HNRNPA1: variants seen among roughly 807,000 people sequenced by gnomAD.
The protein encoded by HNRNPA1 is heterogeneous nuclear ribonucleoprotein A1.
In HNRNPA1, 7 loss-of-function variants were observed where a neutral mutation model predicts 44.4. The ratio of observed to expected loss-of-function variants is 0.16; its 90% confidence interval spans 0.09 to 0.30. The LOEUF is 0.30. HNRNPA1 is among the 10% of genes least tolerant of loss of function. The pLI, the probability that HNRNPA1 is intolerant of heterozygous loss-of-function variation, is 1.00. For missense variants in HNRNPA1, 193 were observed against 465.8 expected (o/e 0.41, Z 5.39); for synonymous variants, 169 against 160.6 (o/e 1.05, Z -0.40).
Position 54,282,680 on chromosome 12 carries a change from T to A in HNRNPA1, c.676+15T>A, listed in dbSNP as rs1276693031. On this transcript the variant is annotated intron_variant, in intron 6 of 10. Coordinates refer to ENST00000340913, the MANE Select transcript of HNRNPA1 (RefSeq NM_031157.4). ...CAGTGGTCGTGGTATGTATGGTTTA[T>A]CTACATGTAGTTCTGACTTCTCACC... 1.2e-6 allele frequency: 2 copies of A among 1,608,122 alleles called. No individual in the cohort carries two copies. Among genetic ancestry groups the A allele is most frequent in the Non-Finnish European group, 1.7e-6 (2 of 1,174,748 alleles).
chr12:54,282,003 A>G lies in HNRNPA1; in HGVS notation c.279+62A>G, dbSNP rs148406635. The G allele has an allele frequency of 2.7e-5, 44 of 1,601,702 alleles. No individual in the cohort carries two copies. The East Asian group carries it at 7.6e-4, about 28-fold the overall frequency. ...CTTGGATATGTGCTGCTATGGACTTAAGATTCGGGAGTTTTCTAAACTTAC... is the reference window on the plus strand; with the variant it reads ...CTTGGATATGTGCTGCTATGGACTTGAGATTCGGGAGTTTTCTAAACTTAC... On this transcript the variant is annotated intron_variant, in intron 3 of 10. Coordinates refer to ENST00000340913, the MANE Select transcript of HNRNPA1 (RefSeq NM_031157.4).
rs575867518 is a variant in HNRNPA1 at position 54,281,956 on chromosome 12, TTTC to T, written c.279+27_279+29del. On this transcript the variant is annotated intron_variant, in intron 3 of 10. Transcript: ENST00000340913. ...TCTCCAGAGAAGTGAGTGGGTTTTTTTTCTTCTTCTTCTTAAACTTACTTGGAT... is the reference window on the plus strand; with the variant it reads ...TCTCCAGAGAAGTGAGTGGGTTTTTTTTCTTCTTCTTAAACTTACTTGGAT... 1,925 of 1,612,150 alleles carry T rather than the reference TTTC, an allele frequency of 1.2e-3. 9 individuals carry two copies. Among genetic ancestry groups the T allele is most frequent in the East Asian group, 0.011 (504 of 44,878 alleles).
At chr12:54,282,953 T>C in intron 7 of HNRNPA1, 79 bp downstream of exon 7, 1 of 1,482,230 alleles carries the variant, frequency 6.7e-7, no homozygotes, top group Non-Finnish European at 9.1e-7. Context: ...ACTAAAATTC[T>C]GGTGCATGTC....
intron 2 of HNRNPA1, 69 bp from the exon 3 acceptor site, chr12:54,281,726 A>C: frequency 6.6e-7 from 1 of 1,504,268 alleles, no homozygotes; most frequent in Non-Finnish European, 9.0e-7. Flanking sequence ...CTATTGCCCT[A>C]TTCAAAGTTA....
At chr12:54,282,757 TTAAG>T in intron 6 of HNRNPA1, 39 bp from the exon 7 acceptor site, 1 of 1,581,070 alleles carries the variant, frequency 6.3e-7, no homozygotes, top group Non-Finnish European at 8.6e-7. Context: ...GAATGTCACT[TTAAG>T]TCCAAGTCAT....
chr12:54,284,255 C>A lies in HNRNPA1; in HGVS notation c.1064-3C>A. ...ACTTTAAAAGAAAAATTGTACTTTTCAGGTGGCTATGGCGGTTCCAGCAGC... is the reference window on the plus strand; with the variant it reads ...ACTTTAAAAGAAAAATTGTACTTTTAAGGTGGCTATGGCGGTTCCAGCAGC... On this transcript the variant is annotated splice_polypyrimidine_tract_variant and splice_region_variant and intron_variant, in intron 9 of 10. Transcript: ENST00000340913. 6.2e-7 allele frequency: 1 copy of A among 1,613,670 alleles called. No homozygotes were observed. The highest frequency in any genetic ancestry group is 1.7e-4 in the Middle Eastern group (1 of 6,058).
chr12:54,281,228 G>C, intron 1 of HNRNPA1, 158 bp from the exon 2 acceptor site: 2 of 711,176 alleles, frequency 2.8e-6, no homozygotes, highest in South Asian at 3.1e-5. Flanking sequence ...CCCAACTCCA[G>C]CATACGGCCT....
Position 54,281,204 on chromosome 12 carries a change from G to T in HNRNPA1, c.16-182G>T. On this transcript the variant is annotated intron_variant, in intron 1 of 10. Transcript: ENST00000340913. ...GGCGACTAGGGACGCATGCGCTTGCGATTTCCTAGCACTCCCAACTCCAGC... is the reference window on the plus strand; with the variant it reads ...GGCGACTAGGGACGCATGCGCTTGCTATTTCCTAGCACTCCCAACTCCAGC... The T allele has an allele frequency of 4.3e-6, 3 of 701,418 alleles. No homozygotes were observed. The South Asian group carries it at 4.5e-5, about 11-fold the overall frequency. The allele number at this position is 701,418 out of a possible 1,614,324, so 43.4% of individuals were successfully genotyped here.
At chr12:54,284,411 CATT>C (rs1394231723) in intron 10 of HNRNPA1, 94 bp downstream of exon 10, 20 of 1,103,114 alleles carry the variant, frequency 1.8e-5, no homozygotes, top group Admixed American at 5.3e-5. Flanking sequence ...ACATAGTTAA[CATT>C]ATAATTGCAG....
intron 8 of HNRNPA1, 75 bp downstream of exon 8, chr12:54,283,309 G>A (rs1944208863): frequency 1.3e-6 from 2 of 1,513,520 alleles, no homozygotes; most frequent in African/African-American, 2.7e-5. Flanking sequence ...TGGTGCTGTT[G>A]AAGCATTGTG....
At chr12:54,281,219 C>A in intron 1 of HNRNPA1, 167 bp from the exon 2 acceptor site, 1 of 705,028 alleles carries the variant, frequency 1.4e-6, no homozygotes, top group East Asian at 2.6e-5. Flanking sequence ...CCTAGCACTC[C>A]CAACTCCAGC....
Position 54,282,379 on chromosome 12 carries a change from ATG to A in HNRNPA1, c.491-13_491-12del. The A allele has an allele frequency of 6.2e-7, 1 of 1,606,576 alleles. No individual in the cohort carries two copies. Among genetic ancestry groups the A allele is most frequent in the Non-Finnish European group, 8.5e-7 (1 of 1,173,408 alleles). ...TAAACCCTGATACCATGTTGTATCT[ATG>A]TTTTTTTTTTAGTTCAGAAATACCA... On this transcript the variant is annotated splice_polypyrimidine_tract_variant and intron_variant, in intron 4 of 10. Transcript: ENST00000340913.
At position 54,280,828 on chromosome 12, in the gene HNRNPA1, T is replaced by C; in HGVS notation, c.15+6T>C. 2.5e-5 allele frequency: 41 copies of C among 1,614,082 alleles called. No homozygotes were observed. Among genetic ancestry groups the C allele is most frequent in the Non-Finnish European group, 3.5e-5 (41 of 1,179,962 alleles). ...CCGTCATGTCTAAGTCAGAGGTGAG[T>C]TAGGCGCGCTTTCCCACTTGAATTT... On this transcript the variant is annotated splice_donor_region_variant and intron_variant, in intron 1 of 10. Coordinates refer to ENST00000340913, the MANE Select transcript of HNRNPA1 (RefSeq NM_031157.4).
Position 54,283,794 on chromosome 12 carries a change from C to T in HNRNPA1, c.908-18C>T. The T allele has an allele frequency of 6.2e-7, 1 of 1,612,246 alleles. No homozygotes were observed. The highest frequency in any genetic ancestry group is 1.3e-5 in the African/African-American group (1 of 74,928). On this transcript the variant is annotated intron_variant, in intron 8 of 10. Transcript: ENST00000340913. ...TCATCCTCAGGTAACAGATAAAGGC[C>T]CTCTTTCCCATTCATAGGAAGCAAT...
intron 7 of HNRNPA1, 95 bp from the exon 8 acceptor site, chr12:54,282,984 C>A: frequency 1.3e-6 from 2 of 1,497,804 alleles, no homozygotes; most frequent in Admixed American, 2.0e-5. Context: ...TTGCCCATAA[C>A]ACGCATGCTG....
chr12:54,281,300 A>T, intron 1 of HNRNPA1, 86 bp from the exon 2 acceptor site: 7 of 774,616 alleles, frequency 9.0e-6, no homozygotes, highest in Non-Finnish European at 1.4e-5. Flanking sequence ...TGCTAGGTAC[A>T]CAGTTGGTGT....
intron 1 of HNRNPA1, 189 bp from the exon 2 acceptor site, chr12:54,281,197 C>T: frequency 2.9e-6 from 2 of 697,168 alleles, no homozygotes; most frequent in Non-Finnish European, 5.3e-6. Flanking sequence ...GGGACGCATG[C>T]GCTTGCGATT....
chr12:54,284,233 T>C, intron 9 of HNRNPA1, 25 bp from the exon 10 acceptor site: 1 of 1,611,066 alleles, frequency 6.2e-7, no homozygotes, highest in African/African-American at 1.3e-5. Context: ...CTTTGAAACT[T>C]TAAAAGAAAA....
rs1187291600 is a variant in HNRNPA1, at chr12:54,287,040, TC to T, written c.*2498del. 1 of 152,142 alleles carries T rather than the reference TC, an allele frequency of 6.6e-6. No individual in the cohort carries two copies. Among genetic ancestry groups the T allele is most frequent in the Non-Finnish European group, 1.5e-5 (1 of 68,020 alleles). The allele number at this position is 152,142 out of a possible 1,614,324, so 9.4% of individuals were successfully genotyped here. A position where few individuals can be genotyped will look rare whatever the true frequency, so the allele number is the denominator to read the frequency against. ...ACATGAGCTGTTCTGCAGCTCAAATTCCATTTTGTGAATGGGTTTTTTTTTT... is the reference window on the plus strand; with the variant it reads ...ACATGAGCTGTTCTGCAGCTCAAATTCATTTTGTGAATGGGTTTTTTTTTT... On this transcript the variant is annotated 3_prime_UTR_variant, in exon 11 of 11. Coordinates refer to ENST00000340913, the MANE Select transcript of HNRNPA1 (RefSeq NM_031157.4).
Sources: allele counts gnomAD v4.1 joint callset, GRCh38; gene constraint gnomAD v4.1.1; transcripts MANE v1.5; gene names NCBI Gene and HGNC (gene_info 2026-07-23, HGNC 2026-07-21).